The following OR4E2 variants were observed in gnomAD, a reference collection of about 807,000 sequenced individuals.
The protein encoded by OR4E2 is olfactory receptor family 4 subfamily E member 2.
A neutral mutation model predicts 11.0 loss-of-function variants in OR4E2; 9 were observed. The ratio of observed to expected loss-of-function variants is 0.82; its 90% CI spans 0.49 to 1.43. The LOEUF is 1.43. Among genes scored for constraint, OR4E2 ranks in the 40% most tolerant of loss-of-function variants. OR4E2 has a pLI of 0.00. For synonymous variants in OR4E2, 159 were observed against 147.3 expected, an observed-to-expected ratio of 1.08 and a Z score of -0.57; for missense variants, 441 against 382.0, an observed-to-expected ratio of 1.15 and a Z score of -1.29.
rs117587614 is a variant in OR4E2 at position 21,658,876 on chromosome 14, G to A, written c.-102-1777G>A. Among the ~76,000 whole-genome samples the A allele has an allele frequency of 2.6e-3, 392 of 152,140 alleles. 2 individuals carry two copies. The highest frequency in any genetic ancestry group is 9.3e-3 in the Admixed American group (142 of 15,274). On this transcript the variant is annotated intron_variant, in intron 2 of 3. Coordinates refer to ENST00000641524, the MANE Select transcript of OR4E2 (RefSeq NM_001001912.3). ...ATACACAATACTGATGTCTAGTGGG[G>A]ATTCTGGTGCTTTTAGCTCAATTGC...
Position 21,663,686 on chromosome 14 carries a change from G to T in OR4E2, c.-8-1389G>T, listed in dbSNP as rs182025844. Among the ~76,000 whole-genome samples, 274 of 152,276 alleles carry T rather than the reference G, an allele frequency of 1.8e-3. 1 individual carries two copies. The highest frequency in any genetic ancestry group is 2.2e-4 in the Non-Finnish European group (15 of 68,010). ...ATAGTATTTTTTTCTTCACCTTTAA[G>T]TTCATGGATAAGTGTGCAGGATGTG... On this transcript the variant is annotated intron_variant, in intron 3 of 3. Transcript: ENST00000641524.
At chr14:21,657,631 C>T (rs1365253882) in intron 2 of OR4E2, among the ~76,000 whole-genome samples, 1 of 149,686 alleles carries the variant, frequency 6.7e-6, no homozygotes, top group African/African-American at 2.5e-5. Context: ...GCTCTTGTTG[C>T]CCAGGCTGGA....
chr14:21,665,640 G>T lies in OR4E2; in HGVS notation c.558G>T (p.Lys186Asn). 1 of 1,614,090 alleles carries T rather than the reference G, an allele frequency of 6.2e-7. No individual in the cohort carries two copies. The highest frequency in any genetic ancestry group is 8.5e-7 in the Non-Finnish European group (1 of 1,180,012). The change falls in exon 4 of 4, where the codon AAG becomes AAT. Residue 186 changes from lysine (K) to asparagine (N), a missense_variant. Physicochemically the swap from Lys to Asn is moderately conservative, Grantham distance 94. Coordinates refer to ENST00000641524, the MANE Select transcript of OR4E2 (RefSeq NM_001001912.3). ...TCTGTGATGTGCCTCTTGTTATCAA[G>T]CTGGCCTGCACAGATACATACCTCA... is the stretch of plus-strand genomic sequence containing the variant. ...SYFCDVPLVI[K>N]LACTDTYLTG...
chr14:21,664,976 T>C lies in OR4E2; in HGVS notation c.-8-99T>C, dbSNP rs2138541162. 3 of 674,886 alleles carry C rather than the reference T, an allele frequency of 4.4e-6. No homozygotes were observed. In the South Asian group the frequency reaches 5.8e-5, roughly 13 times the overall value. The allele number at this position is 674,886 out of a possible 1,614,324, so 41.8% of individuals were successfully genotyped here. A position where few individuals can be genotyped will look rare whatever the true frequency, so the allele number is the denominator to read the frequency against. On this transcript the variant is annotated intron_variant, in intron 3 of 3. Coordinates refer to ENST00000641524, the MANE Select transcript of OR4E2 (RefSeq NM_001001912.3). Reference sequence around the variant, plus strand: ...TGATTTCATAAGCTATATGCTCTGATGATAAATAAGCAATTCAGATAAGAA... The same window carrying C: ...TGATTTCATAAGCTATATGCTCTGACGATAAATAAGCAATTCAGATAAGAA...
intron 3 of OR4E2, among the ~76,000 whole-genome samples, chr14:21,661,422 C>T (rs141516959): frequency 6.6e-6 from 1 of 152,298 alleles, no homozygotes; most frequent in African/African-American, 2.4e-5. Flanking sequence ...CCCTTCCTCA[C>T]TCCCTGCCTT....
rs1880706736 is a variant in OR4E2 at position 21,667,487 on chromosome 14, T to C, written c.*1463T>C. ...TGCTCATGAAAATATCTAAATATCA[T>C]TACTTCAAGTTGACAAACAAGGGTA... is the stretch of plus-strand genomic sequence containing the variant. On this transcript the variant is annotated 3_prime_UTR_variant, in exon 4 of 4. Transcript: ENST00000641524. 6.6e-6 allele frequency: 1 copy of C among 152,202 alleles called. No individual in the cohort carries two copies. The highest frequency in any genetic ancestry group is 2.1e-4 in the South Asian group (1 of 4,832). 9.4% of individuals were successfully genotyped at this position (152,202 alleles called of 1,614,324 possible).
Position 21,666,058 on chromosome 14 carries a change from C to T in OR4E2, c.*34C>T, listed in dbSNP as rs748903511. 2 of 1,469,098 alleles carry T rather than the reference C, an allele frequency of 1.4e-6. No individual in the cohort carries two copies. The highest frequency in any genetic ancestry group is 1.2e-5 in the South Asian group (1 of 83,678). 91.0% of individuals were successfully genotyped at this position (1,469,098 alleles called of 1,614,324 possible). A position where few individuals can be genotyped will look rare whatever the true frequency, so the allele number is the denominator to read the frequency against. ...GGGATTGCAGACATAATTGCAGCCA[C>T]ATCCTTAATGAAAGAGCAAAAGTAA... On this transcript the variant is annotated 3_prime_UTR_variant, in exon 4 of 4. Transcript: ENST00000641524.
intron 1 of OR4E2, among the ~76,000 whole-genome samples, chr14:21,654,544 C>G (rs1393971915): frequency 1.3e-5 from 2 of 151,818 alleles, no homozygotes; most frequent in Non-Finnish European, 2.9e-5. Flanking sequence ...TCCAGGATGC[C>G]CCTACCAATA....
intron 2 of OR4E2, among the ~76,000 whole-genome samples, chr14:21,659,846 C>T (rs1278736179): frequency 1.3e-5 from 2 of 151,834 alleles, no homozygotes; most frequent in Non-Finnish European, 1.5e-5. Flanking sequence ...AAATAATAAA[C>T]AATAGACTAA....
chr14:21,661,656 C>T (rs1880335272), intron 3 of OR4E2, among the ~76,000 whole-genome samples: 1 of 152,190 alleles, frequency 6.6e-6, no homozygotes, highest in Non-Finnish European at 1.5e-5. Context: ...TTCTAATGTG[C>T]AGCCACATTG....
At chr14:21,663,206 G>A (rs900349363) in intron 3 of OR4E2, among the ~76,000 whole-genome samples, 1 of 152,164 alleles carries the variant, frequency 6.6e-6, no homozygotes, top group African/African-American at 2.4e-5. Flanking sequence ...TAGTCTGGGC[G>A]CGGTGGCTCA....
chr14:21,658,650 C>G (rs1170482079), intron 2 of OR4E2, among the ~76,000 whole-genome samples: 1 of 152,004 alleles, frequency 6.6e-6, no homozygotes, highest in East Asian at 1.9e-4. Context: ...GGTCACTGAT[C>G]TCTGGAAAGT....
intron 2 of OR4E2, among the ~76,000 whole-genome samples, chr14:21,657,375 TTCCTTCCTTC>T (rs1880014649): frequency 6.8e-6 from 1 of 147,472 alleles, no homozygotes; most frequent in African/African-American, 2.5e-5. Context: ...CCTTCCTTCC[TTCCTTCCTTC>T]CTTTCTTTCT....
In OR4E2 at chr14:21,666,139, G is replaced by A; in HGVS notation, c.*115G>A. 3 of 680,098 alleles carry A rather than the reference G, an allele frequency of 4.4e-6. No homozygotes were observed. The highest frequency in any genetic ancestry group is 3.9e-5 in the South Asian group (2 of 50,760). 42.1% of individuals were successfully genotyped at this position (680,098 alleles called of 1,614,324 possible). A position where few individuals can be genotyped will look rare whatever the true frequency, so the allele number is the denominator to read the frequency against. On this transcript the variant is annotated 3_prime_UTR_variant, in exon 4 of 4. Transcript: ENST00000641524. ...AATTAGGTAAAATGGCATAGAGCAG[G>A]TCAGATTTCTGCTCATTAAAGATAA...
intron 3 of OR4E2, among the ~76,000 whole-genome samples, chr14:21,663,485 A>AG: frequency 6.6e-6 from 1 of 150,832 alleles, no homozygotes; most frequent in Non-Finnish European, 1.5e-5. Context: ...GTCTCGAAAA[A>AG]AATTTTTTTT....
At chr14:21,662,338 C>T (rs1241758158) in intron 3 of OR4E2, among the ~76,000 whole-genome samples, 1 of 151,832 alleles carries the variant, frequency 6.6e-6, no homozygotes, top group Admixed American at 6.6e-5. Flanking sequence ...GCTCTGTTGC[C>T]CAGGCTTGAG....
chr14:21,657,491 C>G (rs1482105796), intron 2 of OR4E2, among the ~76,000 whole-genome samples: 1 of 109,826 alleles, frequency 9.1e-6, no homozygotes, highest in African/African-American at 3.8e-5. Flanking sequence ...TTCCTTCCTT[C>G]CTTCCTTCCT....
At chr14:21,658,854 C>T (rs894010322) in intron 2 of OR4E2, among the ~76,000 whole-genome samples, 1 of 151,696 alleles carries the variant, frequency 6.6e-6, no homozygotes, top group Non-Finnish European at 1.5e-5. Context: ...GTATACAATA[C>T]ACAATACTGA....
At chr14:21,658,273 T>C (rs975612555) in intron 2 of OR4E2, among the ~76,000 whole-genome samples, 4 of 152,194 alleles carry the variant, frequency 2.6e-5, no homozygotes, top group African/African-American at 9.7e-5. Flanking sequence ...TGTCAAAGGT[T>C]AGAGCGTGTT....
Sources: gnomAD v4.1 joint callset for allele counts (sites outside exome capture counted in the v4.1 genomes callset) on GRCh38, gnomAD v4.1.1 for gene constraint, MANE v1.5 for transcripts, NCBI Gene and HGNC (gene_info 2026-07-23, HGNC 2026-07-21) for gene names.